The following FRMPD3 variants were observed in gnomAD, a reference collection of about 807,000 sequenced individuals.
FRMPD3 encodes the protein FERM and PDZ domain-containing protein 3.
FRMPD3 carries 42 observed loss-of-function variants against 97.9 expected under a neutral mutation model. That is an observed-to-expected ratio of 0.43 (90% confidence interval 0.34 to 0.55). The LOEUF is 0.55. Among genes scored for constraint, FRMPD3 ranks in the 20% least tolerant of loss-of-function variants. The pLI is 0.03. For missense variants in FRMPD3, 1,303 were observed against 1,457.7 expected, an observed-to-expected ratio of 0.89 and a Z score of 1.73; for synonymous variants, 577 against 581.1, an observed-to-expected ratio of 0.99 and a Z score of 0.10.
intron 1 of FRMPD3, among the ~76,000 whole-genome samples, chrX:107,480,948 G>T (rs1921351731): frequency 9.2e-6 from 1 of 108,194 alleles, no homozygotes; most frequent in African/African-American, 3.5e-5. Context: ...AAGAAAGAAA[G>T]AAAGAAAGAA....
intron 1 of FRMPD3, among the ~76,000 whole-genome samples, chrX:107,494,827 C>T (rs1921737773): frequency 8.9e-6 from 1 of 111,918 alleles, no homozygotes; most frequent in Non-Finnish European, 1.9e-5. Context: ...CAATTGTACT[C>T]TTTATTCCTT....
chrX:107,496,304 G>T (rs975988941), intron 1 of FRMPD3, among the ~76,000 whole-genome samples: 6 of 111,370 alleles, frequency 5.4e-5, no homozygotes, highest in Non-Finnish European at 9.4e-5. Context: ...CAGACATTAA[G>T]TGTTGCTGGG....
At chrX:107,479,607 T>A (rs1023658366) in intron 1 of FRMPD3, among the ~76,000 whole-genome samples, 1 of 110,279 alleles carries the variant, frequency 9.1e-6, no homozygotes, top group African/African-American at 3.3e-5. Context: ...GGCTGAAATA[T>A]GATGTTTGAA....
intron 8 of FRMPD3, chrX:107,554,912 A>G (rs948364559): frequency 3.4e-5 from 5 of 145,902 alleles, no homozygotes; most frequent in Non-Finnish European, 6.9e-5. Flanking sequence ...GTTAAGCCCT[A>G]TGCTAGGTAC....
intron 1 of FRMPD3, among the ~76,000 whole-genome samples, chrX:107,511,500 C>T (rs758127575): frequency 6.2e-5 from 7 of 112,864 alleles, no homozygotes; most frequent in Non-Finnish European, 1.3e-4. Context: ...TGATGAGCAT[C>T]AGGGGTTGGG....
At chrX:107,471,061 C>A (rs892400294) in intron 1 of FRMPD3, among the ~76,000 whole-genome samples, 23 of 112,449 alleles carry the variant, frequency 2.0e-4, no homozygotes, top group Non-Finnish European at 3.6e-4. Flanking sequence ...GCCCAGGAAG[C>A]TCCTTGGCAG....
At chrX:107,520,905 G>A in intron 1 of FRMPD3, among the ~76,000 whole-genome samples, 1 of 112,011 alleles carries the variant, frequency 8.9e-6, no homozygotes, top group Non-Finnish European at 1.9e-5. Context: ...ATAATTTATG[G>A]ACAGCACCTG....
intron 4 of FRMPD3, chrX:107,544,939 G>A (rs1921511938): frequency 9.0e-6 from 1 of 111,366 alleles, no homozygotes; most frequent in African/African-American, 3.3e-5. Flanking sequence ...AAATTAGCTG[G>A]GTGTGGTGGC....
Position 107,479,800 on chromosome X carries a change from T to C in FRMPD3, c.-8+29795T>C, listed in dbSNP as rs1050692246. Among the ~76,000 whole-genome samples the C allele has an allele frequency of 2.8e-5, 3 of 105,630 alleles. No individual in the cohort carries two copies. In the East Asian group the frequency reaches 8.9e-4, roughly 31 times the overall value. The allele number at this position is 105,630 out of a possible 115,157, so 91.7% of individuals were successfully genotyped here. A position where few individuals can be genotyped will look rare whatever the true frequency, so the allele number is the denominator to read the frequency against. On this transcript the variant is annotated intron_variant, in intron 1 of 14. Transcript: ENST00000683843. Reference sequence around the variant, plus strand: ...ATCATACACTTAACAATGGTTAGGATGGTAAATTTTATATTATGTATATTT... The same window carrying C: ...ATCATACACTTAACAATGGTTAGGACGGTAAATTTTATATTATGTATATTT...
intron 1 of FRMPD3, among the ~76,000 whole-genome samples, chrX:107,488,689 A>C (rs1352736591): frequency 1.8e-5 from 2 of 111,547 alleles, no homozygotes; most frequent in East Asian, 5.6e-4. Flanking sequence ...GCAACCCGGC[A>C]CTTTCAGTCC....
chrX:107,572,773 G>A (rs1206071171), intron 12 of FRMPD3, among the ~76,000 whole-genome samples: 2 of 109,115 alleles, frequency 1.8e-5, no homozygotes, highest in South Asian at 4.1e-4. Flanking sequence ...GGTCATTCAG[G>A]GTGTCTCATG....
intron 1 of FRMPD3, among the ~76,000 whole-genome samples, chrX:107,517,346 G>GT (rs1036323891): frequency 1.8e-5 from 2 of 112,017 alleles, no homozygotes; most frequent in African/African-American, 6.5e-5. Context: ...GATAGCTTCT[G>GT]TTTTTTTCAG....
At chrX:107,580,108 C>T (rs1166729010) in intron 13 of FRMPD3, among the ~76,000 whole-genome samples, 3 of 111,637 alleles carry the variant, frequency 2.7e-5, no homozygotes, top group Non-Finnish European at 5.6e-5. Flanking sequence ...GTCACACAGA[C>T]CGTATGTTTA....
chrX:107,469,602 T>G (rs1405680869), intron 1 of FRMPD3, among the ~76,000 whole-genome samples: 1 of 112,493 alleles, frequency 8.9e-6, no homozygotes, highest in Non-Finnish European at 1.9e-5. Flanking sequence ...GCCCAACACA[T>G]GTGGACTTCC....
chrX:107,465,927 G>A (rs1931554475), intron 1 of FRMPD3, among the ~76,000 whole-genome samples: 1 of 111,513 alleles, frequency 9.0e-6, no homozygotes, highest in African/African-American at 3.3e-5. Context: ...GAGAAATGCT[G>A]TATACCTACC....
At chrX:107,511,476 A>T (rs183251768) in intron 1 of FRMPD3, among the ~76,000 whole-genome samples, 4 of 112,547 alleles carry the variant, frequency 3.6e-5, no homozygotes, top group African/African-American at 9.7e-5. Flanking sequence ...CAACTCTGAG[A>T]TTCTCCAGGA....
In FRMPD3 at chrX:107,459,884, T is replaced by TACACACACAC. The variant is rs67324661; in HGVS notation, c.-8+9918_-8+9927dup. 2.9e-3 allele frequency among the ~76,000 whole-genome samples: 265 copies of TACACACACAC among 89,862 alleles called. 1 individual carries two copies. The highest frequency in any genetic ancestry group is 1.0e-2 in the African/African-American group (249 of 24,976). The allele number at this position is 89,862 out of a possible 115,157, so 78.0% of individuals were successfully genotyped here. A position where few individuals can be genotyped will look rare whatever the true frequency, so the allele number is the denominator to read the frequency against. On this transcript the variant is annotated intron_variant, in intron 1 of 14. Coordinates refer to ENST00000683843, the MANE Select transcript of FRMPD3 (RefSeq NM_001388459.1). The stretch of plus-strand genomic sequence containing the variant: ...GTGCGTGCGTGCACGCAAGCATACA[T>TACACACACAC]ACACACACACACACACACACACACA...
intron 7 of FRMPD3, among the ~76,000 whole-genome samples, chrX:107,554,169 T>G (rs1921980866): frequency 9.0e-6 from 1 of 110,947 alleles, no homozygotes; most frequent in Admixed American, 9.6e-5. Context: ...GATTTGAAAA[T>G]TCCTCTTATT....
chrX:107,487,154 T>A (rs181239059), intron 1 of FRMPD3, among the ~76,000 whole-genome samples: 1,215 of 110,579 alleles, frequency 0.011, 11 homozygotes, highest in African/African-American at 0.038. Flanking sequence ...CTTGGGAGGC[T>A]GAGGCAGGAG....
Sources: gnomAD v4.1 joint callset for allele counts (sites outside exome capture counted in the v4.1 genomes callset) on GRCh38, gnomAD v4.1.1 for gene constraint, MANE v1.5 for transcripts, NCBI Gene and HGNC (gene_info 2026-07-23, HGNC 2026-07-21) for gene names.